WASF2: variants seen among roughly 807,000 people sequenced by gnomAD.
WASF2 encodes WASP family member 2.
In WASF2, 14 loss-of-function variants were observed where a neutral mutation model predicts 45.0. That is an observed-to-expected ratio of 0.31 (90% CI 0.21 to 0.49). WASF2 has a LOEUF of 0.49. WASF2 is among the 20% of genes least tolerant of loss of function. The probability of loss-of-function intolerance (pLI) is 0.99; values close to 1 mark genes in which losing one functional copy is unlikely to be tolerated. For synonymous variants in WASF2, 200 were observed against 236.3 expected (o/e 0.85, Z 1.41); for missense variants, 439 against 636.1 (o/e 0.69, Z 3.33).
chr1:27,473,208 C>T (rs957094075), intron 1 of WASF2, among the ~76,000 whole-genome samples: 8 of 151,550 alleles, frequency 5.3e-5, no homozygotes, highest in African/African-American at 1.2e-4. Context: ...TGGCCAAGAG[C>T]GGTGGCTCAT....
At chr1:27,443,982 T>C (rs540484745) in intron 1 of WASF2, among the ~76,000 whole-genome samples, 1 of 152,086 alleles carries the variant, frequency 6.6e-6, no homozygotes, top group South Asian at 2.1e-4. Flanking sequence ...CGTTTCATCA[T>C]GTTGGCCAGG....
chr1:27,466,032 T>G (rs1317678417), intron 1 of WASF2, among the ~76,000 whole-genome samples: 1 of 152,190 alleles, frequency 6.6e-6, no homozygotes, highest in African/African-American at 2.4e-5. Context: ...TGTTAACACC[T>G]AAAAGTTCCT....
At chr1:27,424,084 T>C (rs567623767) in intron 2 of WASF2, among the ~76,000 whole-genome samples, 33 of 152,352 alleles carry the variant, frequency 2.2e-4, no homozygotes, top group African/African-American at 7.7e-4. Flanking sequence ...GAATTCTGGA[T>C]GTGCTGTCAC....
chr1:27,456,320 A>G, intron 1 of WASF2, among the ~76,000 whole-genome samples: 2 of 39,204 alleles, frequency 5.1e-5, no homozygotes, highest in Non-Finnish European at 2.7e-4. Context: ...AGACTCTAAA[A>G]AAAAAAAAAA....
chr1:27,437,878 A>T (rs2148116846), intron 1 of WASF2, among the ~76,000 whole-genome samples: 1 of 152,322 alleles, frequency 6.6e-6, no homozygotes, highest in Admixed American at 6.5e-5. Context: ...GTTCTGAAAA[A>T]ACAACACCCA....
In WASF2 at chr1:27,452,188, A is replaced by G. The variant is rs527970825; in HGVS notation, c.-43-23255T>C. 2.6e-3 allele frequency among the ~76,000 whole-genome samples: 402 copies of G among 152,360 alleles called. 2 individuals carry two copies. Among genetic ancestry groups the G allele is most frequent in the African/African-American group, 9.3e-3 (386 of 41,590 alleles). On this transcript the variant is annotated intron_variant, in intron 1 of 8. Coordinates refer to ENST00000618852, the MANE Select transcript of WASF2 (RefSeq NM_006990.5). ...GTCAGCAATCTTTTCTTAATGCTTT[A>G]AAATTATTTAGAGATATAGTTTTTA...
intron 1 of WASF2, among the ~76,000 whole-genome samples, chr1:27,461,718 C>A (rs1048137498): frequency 1.3e-5 from 2 of 152,120 alleles, no homozygotes; most frequent in East Asian, 3.9e-4. Context: ...TCGTAATCCA[C>A]CCGCCTCGGC....
chr1:27,435,458 C>T (rs979410047), intron 1 of WASF2, among the ~76,000 whole-genome samples: 3 of 152,038 alleles, frequency 2.0e-5, no homozygotes, highest in African/African-American at 7.2e-5. Flanking sequence ...TGTGGTGCTA[C>T]ATGCCTATAG....
intron 2 of WASF2, among the ~76,000 whole-genome samples, chr1:27,426,900 T>A (rs2016989051): frequency 6.6e-6 from 1 of 152,186 alleles, no homozygotes; most frequent in Non-Finnish European, 1.5e-5. Context: ...GAAGATTAAA[T>A]GAGATAATCT....
In WASF2 at chr1:27,414,886, T is replaced by C. The variant is rs1421991158; in HGVS notation, c.615A>G (p.Lys205=). The change falls in exon 6 of 9, where the codon AAA becomes AAG. Residue 205 remains lysine (K), a synonymous_variant. Transcript: ENST00000618852. The surrounding 1 kb of genome is among the most constrained non-coding windows in gnomAD (Gnocchi z 4.1). ...CCACAAATTCTTGCCCCATCTTCAT[T>C]TTCTCCCACTCTTCCTTACGTGTCT... The part of the protein sequence containing the change: ...KIKTRKEEWE[K]MKMGQEFVES... The C allele has an allele frequency of 2.5e-6, 4 of 1,614,074 alleles. No individual in the cohort carries two copies. The African/African-American group carries it at 4.0e-5, about 16-fold the overall frequency.
intron 1 of WASF2, among the ~76,000 whole-genome samples, chr1:27,438,522 A>G (rs2017167328): frequency 6.6e-6 from 1 of 152,230 alleles, no homozygotes; most frequent in Admixed American, 6.5e-5. Context: ...TCTGGGATGG[A>G]AAGACCAAGA....
chr1:27,446,200 A>G (rs1375859507), intron 1 of WASF2, among the ~76,000 whole-genome samples: 1 of 152,162 alleles, frequency 6.6e-6, no homozygotes, highest in Non-Finnish European at 1.5e-5. Flanking sequence ...AATATTTTAA[A>G]TTAACCTTTG....
intron 1 of WASF2, among the ~76,000 whole-genome samples, chr1:27,457,502 A>G (rs1357878400): frequency 1.3e-5 from 2 of 152,120 alleles, no homozygotes; most frequent in Non-Finnish European, 2.9e-5. Context: ...ACTTGGGCCC[A>G]GGAGGTGGAT....
chr1:27,418,206 CA>C (rs57365996), intron 4 of WASF2, 62 bp downstream of exon 4: 762 of 1,506,258 alleles, frequency 5.1e-4, no homozygotes, highest in South Asian at 1.2e-3. Context: ...CCGCTTCAGA[CA>C]AAAAAAAATC....
At chr1:27,419,215 C>A in intron 2 of WASF2, 127 bp from the exon 3 acceptor site, 1 of 1,017,240 alleles carries the variant, frequency 9.8e-7, no homozygotes, top group South Asian at 1.5e-5. Flanking sequence ...TACCCTAAGA[C>A]GGTTTGGGCT....
At chr1:27,428,982 A>C in intron 1 of WASF2, 49 bp from the exon 2 acceptor site, 20 of 1,343,898 alleles carry the variant, frequency 1.5e-5, no homozygotes, top group Non-Finnish European at 1.8e-5. Context: ...AATTCCAGGC[A>C]CACTAGGGCT....
intron 1 of WASF2, among the ~76,000 whole-genome samples, chr1:27,452,740 C>T (rs2017401521): frequency 6.6e-6 from 1 of 150,658 alleles, no homozygotes; most frequent in African/African-American, 2.4e-5. Flanking sequence ...ATTGCTTGAA[C>T]CTAGGAGGCA....
intron 1 of WASF2, among the ~76,000 whole-genome samples, chr1:27,433,866 A>G (rs1311137582): frequency 6.6e-6 from 1 of 152,238 alleles, no homozygotes; most frequent in Non-Finnish European, 1.5e-5. Flanking sequence ...AAAGTGAAGA[A>G]AACCAGTGAA....
At chr1:27,483,420 G>A (rs577679143) in intron 1 of WASF2, among the ~76,000 whole-genome samples, 18 of 152,202 alleles carry the variant, frequency 1.2e-4, no homozygotes, top group South Asian at 4.2e-4. Context: ...GCAGTGAGCC[G>A]AGACCATGCC....
Sources: allele counts gnomAD v4.1 joint callset (sites outside exome capture counted in the v4.1 genomes callset), GRCh38; gene constraint gnomAD v4.1.1; non-coding constraint Gnocchi (gnomAD v3.1); transcripts MANE v1.5; gene names NCBI Gene and HGNC (gene_info 2026-07-23, HGNC 2026-07-21).